The following FRMD4A variants were observed in gnomAD, a reference collection of about 807,000 sequenced individuals.
FRMD4A encodes the protein FERM domain-containing protein 4A.
A neutral mutation model predicts 129.1 loss-of-function variants in FRMD4A; 29 were observed. That is an observed-to-expected ratio of 0.22 (90% CI 0.17 to 0.31). FRMD4A has a LOEUF of 0.31. Ranked by LOEUF, FRMD4A falls within the 10% of genes least tolerant of loss-of-function variation. FRMD4A has a pLI of 1.00. For missense variants in FRMD4A, 1,272 were observed against 1,375.8 expected, an observed-to-expected ratio of 0.92 and a Z score of 1.19; for synonymous variants, 634 against 571.6, an observed-to-expected ratio of 1.11 and a Z score of -1.56.
At chr10:13,824,821 G>C (rs538200481) in intron 3 of FRMD4A, among the ~76,000 whole-genome samples, 113 of 151,440 alleles carry the variant, frequency 7.5e-4, no homozygotes, top group African/African-American at 2.6e-3. Flanking sequence ...CTTGAACCCG[G>C]GAGGCAGAGG....
At chr10:14,125,859 A>AAAAAC (rs367839250) in intron 2 of FRMD4A, among the ~76,000 whole-genome samples, 1,704 of 150,128 alleles carry the variant, frequency 0.011, 43 homozygotes, top group African/African-American at 0.041. Context: ...GAATGTGATT[A>AAAAAC]AAAACAAAAC....
intron 2 of FRMD4A, among the ~76,000 whole-genome samples, chr10:13,919,582 A>G (rs1228703363): frequency 6.6e-6 from 1 of 152,140 alleles, no homozygotes; most frequent in African/African-American, 2.4e-5. Flanking sequence ...TTAATTTTAT[A>G]TAAATTAAAA....
At chr10:14,319,589 C>A (rs1396105203) in intron 2 of FRMD4A, among the ~76,000 whole-genome samples, 1 of 152,152 alleles carries the variant, frequency 6.6e-6, no homozygotes, top group Non-Finnish European at 1.5e-5. Context: ...AAAATTAATT[C>A]CAAAGTCGAG....
intron 2 of FRMD4A, among the ~76,000 whole-genome samples, chr10:13,973,544 T>G (rs1293667470): frequency 5.3e-5 from 8 of 152,314 alleles, no homozygotes; most frequent in African/African-American, 1.9e-4. Context: ...ATAATCACCC[T>G]AAGGCAAAAC....
At chr10:14,198,021 A>G (rs1012315877) in intron 2 of FRMD4A, among the ~76,000 whole-genome samples, 1 of 152,154 alleles carries the variant, frequency 6.6e-6, no homozygotes, top group Non-Finnish European at 1.5e-5. Context: ...GGTGCTTTCC[A>G]GTGCTCATCC....
At chr10:14,104,401 A>C (rs1837475739) in intron 2 of FRMD4A, among the ~76,000 whole-genome samples, 1 of 152,180 alleles carries the variant, frequency 6.6e-6, no homozygotes, top group South Asian at 2.1e-4. Flanking sequence ...TTTGATTTAC[A>C]CCAGACCTCA....
rs1022677753 is a variant in FRMD4A, at chr10:13,646,431, C to T, written c.*607G>A. 1 of 152,544 alleles carries T rather than the reference C, an allele frequency of 6.6e-6. No individual in the cohort carries two copies. The highest frequency in any genetic ancestry group is 2.4e-5 in the African/African-American group (1 of 41,442). The allele number at this position is 152,544 out of a possible 1,614,324, so 9.4% of individuals were successfully genotyped here. On this transcript the variant is annotated 3_prime_UTR_variant, in exon 25 of 25. Coordinates refer to ENST00000357447, the MANE Select transcript of FRMD4A (RefSeq NM_018027.5). ...CCTCCCCTTCCCCCATAGCCATCCC[C>T]ACAAGCTGTCCCATCAAGGAATATT...
rs540375827 is a variant in FRMD4A, at chr10:14,313,203, T to A, written c.45+16855A>T. Among the ~76,000 whole-genome samples the A allele has an allele frequency of 6.7e-4, 99 of 147,594 alleles. No homozygotes were observed. The South Asian group carries it at 0.017, about 25-fold the overall frequency. ...CCTCATTTCTACCAAAAAAAAAAAA[T>A]TTTTTTTTAATTAACCAGGTGTGGT... On this transcript the variant is annotated intron_variant, in intron 2 of 24. Transcript: ENST00000357447.
chr10:14,323,148 C>T (rs570329789), intron 2 of FRMD4A, among the ~76,000 whole-genome samples: 94 of 152,284 alleles, frequency 6.2e-4, no homozygotes, highest in Non-Finnish European at 1.2e-3. Flanking sequence ...CACTCATTGT[C>T]CAGAGACTGG....
At chr10:14,040,007 C>T (rs771992811) in intron 2 of FRMD4A, among the ~76,000 whole-genome samples, 20 of 152,194 alleles carry the variant, frequency 1.3e-4, no homozygotes, top group Non-Finnish European at 2.5e-4. Context: ...TTGTGCTAGG[C>T]ACTGTTCCAA....
intron 2 of FRMD4A, among the ~76,000 whole-genome samples, chr10:14,171,497 A>G (rs1031083907): frequency 2.0e-5 from 3 of 152,184 alleles, no homozygotes; most frequent in Non-Finnish European, 2.9e-5. Context: ...TAGGTATGTC[A>G]AGTGTGGCCG....
In FRMD4A at chr10:14,119,502, G is replaced by A. The variant is rs115312759; in HGVS notation, c.45+210556C>T. ...TGGGCTGCTGATGGTGATGTTTGCC[G>A]TAACACATTGGCAGCATTTGGAAGC... On this transcript the variant is annotated intron_variant, in intron 2 of 24. Coordinates refer to ENST00000357447, the MANE Select transcript of FRMD4A (RefSeq NM_018027.5). Among the ~76,000 whole-genome samples, 361 of 152,282 alleles carry A rather than the reference G, an allele frequency of 2.4e-3. 4 individuals are homozygous for A. The highest frequency in any genetic ancestry group is 7.2e-3 in the African/African-American group (300 of 41,560).
intron 2 of FRMD4A, among the ~76,000 whole-genome samples, chr10:13,887,444 G>T (rs1170178025): frequency 1.3e-5 from 2 of 152,220 alleles, no homozygotes; most frequent in Admixed American, 1.3e-4. Context: ...ACTTTGGGAG[G>T]CTGAGGTGGG....
chr10:13,980,546 A>G (rs1158744716), intron 2 of FRMD4A, among the ~76,000 whole-genome samples: 3 of 152,262 alleles, frequency 2.0e-5, no homozygotes, highest in African/African-American at 7.2e-5. Context: ...CCTGGGCAAC[A>G]TAGAAAGACC....
At position 14,230,245 on chromosome 10, in the gene FRMD4A, A is replaced by G. The variant is rs574484013; in HGVS notation, c.45+99813T>C. On this transcript the variant is annotated intron_variant, in intron 2 of 24. Transcript: ENST00000357447. ...CTAGCATCTTGGGACAAAAACACCA[A>G]ATTTAGGTACCATTTTGCCAGTTGT... is the stretch of plus-strand genomic sequence containing the variant. 2.1e-3 allele frequency among the ~76,000 whole-genome samples: 321 copies of G among 152,218 alleles called. 3 individuals are homozygous for G. The highest frequency in any genetic ancestry group is 7.5e-3 in the African/African-American group (313 of 41,522).
chr10:14,159,910 C>A (rs557706060), intron 2 of FRMD4A, among the ~76,000 whole-genome samples: 2 of 151,942 alleles, frequency 1.3e-5, no homozygotes, highest in East Asian at 1.9e-4. Flanking sequence ...ATTAGCCAGG[C>A]GTGGTGGTGG....
chr10:13,851,549 G>A (rs141628317), intron 3 of FRMD4A, among the ~76,000 whole-genome samples: 107 of 152,052 alleles, frequency 7.0e-4, no homozygotes, highest in Middle Eastern at 3.4e-3. Context: ...TTAGATTCTC[G>A]CAGGAGTCCA....
At chr10:13,738,635 T>C (rs1352230941) in intron 11 of FRMD4A, among the ~76,000 whole-genome samples, 2 of 151,948 alleles carry the variant, frequency 1.3e-5, no homozygotes, top group African/African-American at 4.8e-5. Flanking sequence ...ATTCCTTTTT[T>C]TTTGAGATGG....
intron 2 of FRMD4A, among the ~76,000 whole-genome samples, chr10:14,005,116 A>G (rs1345843304): frequency 6.6e-6 from 1 of 151,506 alleles, no homozygotes; most frequent in Non-Finnish European, 1.5e-5. Context: ...TCCACCTCCC[A>G]GGTTCAAGCG....
Sources: allele counts gnomAD v4.1 joint callset (sites outside exome capture counted in the v4.1 genomes callset), GRCh38; gene constraint gnomAD v4.1.1; transcripts MANE v1.5; gene names NCBI Gene and HGNC (gene_info 2026-07-23, HGNC 2026-07-21).